The following HSPA4 variants were observed in gnomAD, a reference collection of about 807,000 sequenced individuals.
The protein encoded by HSPA4 is heat shock 70 kDa protein 4.
A neutral mutation model predicts 106.2 loss-of-function variants in HSPA4; 25 were observed. The ratio of observed to expected loss-of-function variants is 0.24; its 90% CI spans 0.17 to 0.33. The LOEUF (loss-of-function observed/expected upper bound fraction) is 0.33, where lower values mean the gene tolerates loss of function less well. Ranked by LOEUF, HSPA4 falls within the 10% of genes least tolerant of loss-of-function variation. The pLI is 1.00. For missense variants in HSPA4, 841 were observed against 996.0 expected, an observed-to-expected ratio of 0.84 and a Z score of 2.10; for synonymous variants, 332 against 333.6, an observed-to-expected ratio of 1.00 and a Z score of 0.05.
chr5:133,106,126 T>TGG lies in HSPA4; in HGVS notation c.*1690_*1691insGG, dbSNP rs1765857634. The TGG allele has an allele frequency of 2.7e-4, 19 of 69,878 alleles. 1 individual carries two copies. Among genetic ancestry groups the TGG allele is most frequent in the African/African-American group, 1.4e-4 (2 of 14,362 alleles). 4.3% of individuals were successfully genotyped at this position (69,878 alleles called of 1,614,324 possible). A position where few individuals can be genotyped will look rare whatever the true frequency, so the allele number is the denominator to read the frequency against. On this transcript the variant is annotated 3_prime_UTR_variant, in exon 19 of 19. Transcript: ENST00000304858. ...AATTTTTTTTTTTTTTTTTTTTTTT[T>TGG]TTTTTTTTTTTTTTGGTGTGTGTGT...
intron 17 of HSPA4, among the ~76,000 whole-genome samples, chr5:133,103,503 A>T (rs1208619299): frequency 6.6e-6 from 1 of 151,986 alleles, no homozygotes; most frequent in Non-Finnish European, 1.5e-5. Flanking sequence ...AGTATTCATT[A>T]TAGTTTTGGT....
In HSPA4 at chr5:133,104,217, G is replaced by A. The variant is rs781281676; in HGVS notation, c.2320-16G>A. ...TAATTTTATAAGAAACCAGTTTTCT[G>A]TCTTACCCATTCCAGGAGCTGACAA... On this transcript the variant is annotated splice_polypyrimidine_tract_variant and intron_variant, in intron 18 of 18. Transcript: ENST00000304858. The A allele has an allele frequency of 5.6e-6, 9 of 1,610,960 alleles. No individual in the cohort carries two copies. The East Asian group carries it at 6.7e-5, about 12-fold the overall frequency.
rs1206615759 is a variant in HSPA4, at chr5:133,060,850, C to T, written c.108-4130C>T. 1.4e-4 allele frequency among the ~76,000 whole-genome samples: 19 copies of T among 132,362 alleles called. 1 individual carries two copies. The highest frequency in any genetic ancestry group is 1.1e-3 in the East Asian group (5 of 4,634). 86.8% of individuals were successfully genotyped at this position (132,362 alleles called of 152,430 possible). ...TTTTTTTTTTTTTGAGACAAGGTCT[C>T]GCTCTGTCACTCAGGGTGGAGTGTA... On this transcript the variant is annotated intron_variant, in intron 1 of 18. Coordinates refer to ENST00000304858, the MANE Select transcript of HSPA4 (RefSeq NM_002154.4).
intron 1 of HSPA4, among the ~76,000 whole-genome samples, chr5:133,056,379 T>G (rs1765164914): frequency 6.6e-6 from 1 of 152,152 alleles, no homozygotes; most frequent in South Asian, 2.1e-4. Context: ...TGACACGGAG[T>G]CTGGCTCTGT....
chr5:133,060,993 C>G (rs1489461182), intron 1 of HSPA4, among the ~76,000 whole-genome samples: 2 of 151,718 alleles, frequency 1.3e-5, no homozygotes, highest in East Asian at 3.9e-4. Flanking sequence ...CTTCATTAGA[C>G]AGCATGTATC....
chr5:133,080,138 G>T (rs1481911186), intron 7 of HSPA4, among the ~76,000 whole-genome samples: 1 of 151,396 alleles, frequency 6.6e-6, no homozygotes. Context: ...GTCCATTTGG[G>T]TGTGGTGGCT....
chr5:133,062,187 T>G, intron 1 of HSPA4, among the ~76,000 whole-genome samples: 1 of 152,146 alleles, frequency 6.6e-6, no homozygotes, highest in East Asian at 1.9e-4. Flanking sequence ...TGTTGGTAGT[T>G]GGTTTTGTTT....
chr5:133,087,162 A>G (rs1765587632), intron 8 of HSPA4, among the ~76,000 whole-genome samples: 1 of 152,210 alleles, frequency 6.6e-6, no homozygotes, highest in Non-Finnish European at 1.5e-5. Flanking sequence ...GTAGTCTTAT[A>G]AGCTTTTCTG....
At chr5:133,066,469 C>T (rs1765306269) in intron 2 of HSPA4, among the ~76,000 whole-genome samples, 1 of 152,170 alleles carries the variant, frequency 6.6e-6, no homozygotes, top group Admixed American at 6.5e-5. Flanking sequence ...AAGTGTAAGT[C>T]ACCTGTTCAA....
chr5:133,080,656 C>G (rs1042539035), intron 7 of HSPA4, among the ~76,000 whole-genome samples: 1 of 151,498 alleles, frequency 6.6e-6, no homozygotes, highest in African/African-American at 2.4e-5. Context: ...TTGGATCTTC[C>G]TTGCCTATCT....
At chr5:133,080,969 T>C (rs1382948081) in intron 7 of HSPA4, among the ~76,000 whole-genome samples, 1 of 152,234 alleles carries the variant, frequency 6.6e-6, no homozygotes, top group Non-Finnish European at 1.5e-5. Flanking sequence ...AAAAGAAAAC[T>C]TGTACCCATT....
At chr5:133,083,285 C>A (rs952799669) in intron 7 of HSPA4, among the ~76,000 whole-genome samples, 4 of 152,086 alleles carry the variant, frequency 2.6e-5, no homozygotes, top group Non-Finnish European at 5.9e-5. Context: ...GCACTCCAGC[C>A]TGGGTGACAG....
chr5:133,100,329 G>A (rs529294775), intron 16 of HSPA4, among the ~76,000 whole-genome samples: 2 of 151,990 alleles, frequency 1.3e-5, no homozygotes, highest in South Asian at 2.1e-4. Flanking sequence ...TTGGCCTCCC[G>A]AAGTGCTGGA....
At position 133,091,275 on chromosome 5, in the gene HSPA4, T is replaced by C; in HGVS notation, c.1461T>C (p.His487=). 1 of 1,613,660 alleles carries C rather than the reference T, an allele frequency of 6.2e-7. No homozygotes were observed. Among genetic ancestry groups the C allele is most frequent in the South Asian group, 1.1e-5 (1 of 91,086 alleles). ...AAGTCAAAGTTCGAGTAAATGTCCA[T>C]GGCATTTTCAGTGTGTCCAGTGCAT... ...KVKVKVRVNV[H]GIFSVSSASL... The change falls in exon 12 of 19, where the codon CAT becomes CAC. Residue 487 remains histidine, a synonymous_variant. Transcript: ENST00000304858.
intron 7 of HSPA4, among the ~76,000 whole-genome samples, chr5:133,082,063 A>G (rs915801993): frequency 8.5e-5 from 13 of 152,236 alleles, no homozygotes; most frequent in African/African-American, 2.9e-4. Context: ...AAAACATGCT[A>G]TGTTCATACA....
chr5:133,062,851 A>G (rs1318215150), intron 1 of HSPA4, among the ~76,000 whole-genome samples: 5 of 152,188 alleles, frequency 3.3e-5, no homozygotes, highest in Admixed American at 1.3e-4. Flanking sequence ...GGACCACTGA[A>G]GCCCAGGGAG....
chr5:133,092,689 C>G lies in HSPA4; in HGVS notation c.1561-11C>G. The G allele has an allele frequency of 6.3e-7, 1 of 1,589,248 alleles. No individual in the cohort carries two copies. Among genetic ancestry groups the G allele is most frequent in the African/African-American group, 1.3e-5 (1 of 74,346 alleles). On this transcript the variant is annotated splice_polypyrimidine_tract_variant and intron_variant, in intron 12 of 18. Coordinates refer to ENST00000304858, the MANE Select transcript of HSPA4 (RefSeq NM_002154.4). ...TCCTAATTGCAGGATTTAATTTGAC[C>G]TGTTTTTCAGAAGATGCAAGTGGAC...
In HSPA4 at chr5:133,054,629, C is replaced by T. The variant is rs1004164229; in HGVS notation, c.107+2272C>T. Among the ~76,000 whole-genome samples, 7 of 152,300 alleles carry T rather than the reference C, an allele frequency of 4.6e-5. 2 individuals carry two copies. The highest frequency in any genetic ancestry group is 6.5e-5 in the Admixed American group (1 of 15,292). On this transcript the variant is annotated intron_variant, in intron 1 of 18. Transcript: ENST00000304858. ...TTTTAGAACATTTTTATCACTCCCC[C>T]AAAGCCCTGTGCCCTTTAGCAGTTT...
intron 13 of HSPA4, among the ~76,000 whole-genome samples, chr5:133,094,398 A>G (rs767505232): frequency 1.3e-5 from 2 of 152,246 alleles, no homozygotes; most frequent in Non-Finnish European, 2.9e-5. Flanking sequence ...AGTCCGTTGT[A>G]TATTTTCATG....
Sources: gnomAD v4.1 joint callset for allele counts (sites outside exome capture counted in the v4.1 genomes callset) on GRCh38, gnomAD v4.1.1 for gene constraint, MANE v1.5 for transcripts, NCBI Gene and HGNC (gene_info 2026-07-23, HGNC 2026-07-21) for gene names.